The following LNX1 variants were observed in gnomAD, a reference collection of about 807,000 sequenced individuals.
The protein encoded by LNX1 is ligand of numb-protein X 1.
LNX1 carries 54 observed loss-of-function variants against 68.4 expected under a neutral mutation model. The observed-to-expected ratio is 0.79, with a 90% confidence interval of 0.63 to 0.99. LNX1 has a LOEUF of 0.99. Among genes scored for constraint, LNX1 ranks in the 50% least tolerant of loss-of-function variants. LNX1 has a pLI of 0.00. For missense variants in LNX1, 906 were observed against 926.4 expected (o/e 0.98, Z 0.29); for synonymous variants, 336 against 350.0 (o/e 0.96, Z 0.45).
intron 1 of LNX1, among the ~76,000 whole-genome samples, chr4:53,629,072 C>G (rs2109869520): frequency 6.6e-6 from 1 of 152,268 alleles, no homozygotes; most frequent in Middle Eastern, 3.4e-3. Context: ...CAGAATTTAT[C>G]ACTACATAAT....
At chr4:53,637,516 T>C (rs531124089) in intron 1 of LNX1, among the ~76,000 whole-genome samples, 47 of 152,256 alleles carry the variant, frequency 3.1e-4, no homozygotes, top group African/African-American at 1.1e-3. Context: ...TCATTTCACA[T>C]GTTATTTACT....
intron 2 of LNX1, among the ~76,000 whole-genome samples, chr4:53,598,043 A>G (rs866865857): frequency 2.6e-5 from 4 of 152,160 alleles, no homozygotes; most frequent in Non-Finnish European, 5.9e-5. Context: ...AGGTAAAGTA[A>G]CTTGTCCAAC....
chr4:53,478,662 G>A lies in LNX1; in HGVS notation c.1566C>T (p.Val522=), dbSNP rs144302447. The change falls in exon 8 of 11, where the codon GTC becomes GTT. Residue 522 remains valine, a synonymous_variant. Transcript: ENST00000263925. ...ATTCTCTATGTGATGCTCCCCCTGC[G>A]ACGGTCATGCCGAGAGATTCACCGG... is the stretch of plus-strand genomic sequence containing the variant. ...KDPGESLGMT[V]AGGASHREWD... The A allele has an allele frequency of 3.0e-5, 49 of 1,614,072 alleles. No homozygotes were observed. In the South Asian group the frequency reaches 3.3e-4, roughly 11 times the overall value.
At chr4:53,644,105 A>T (rs1317531764) in intron 1 of LNX1, among the ~76,000 whole-genome samples, 1 of 152,150 alleles carries the variant, frequency 6.6e-6, no homozygotes, top group Non-Finnish European at 1.5e-5. Context: ...GATAAAAAAA[A>T]GTAAATGGAG....
intron 6 of LNX1, among the ~76,000 whole-genome samples, chr4:53,487,686 C>T (rs1165508425): frequency 6.6e-6 from 1 of 152,076 alleles, no homozygotes; most frequent in African/African-American, 2.4e-5. Context: ...TTGCGTGGGC[C>T]CCTTGTTACA....
At chr4:53,625,171 C>T (rs540568144) in intron 1 of LNX1, among the ~76,000 whole-genome samples, 12 of 152,178 alleles carry the variant, frequency 7.9e-5, no homozygotes, top group African/African-American at 2.2e-4. Context: ...GATTAGGCAA[C>T]GGTTTCTCAG....
At chr4:53,632,877 T>C (rs546817662) in intron 1 of LNX1, among the ~76,000 whole-genome samples, 27 of 152,342 alleles carry the variant, frequency 1.8e-4, no homozygotes, top group African/African-American at 6.3e-4. Flanking sequence ...AGGTCTTCTT[T>C]AGTAGGTTTC....
intron 1 of LNX1, among the ~76,000 whole-genome samples, chr4:53,627,553 GC>G (rs1268757413): frequency 6.6e-6 from 1 of 152,088 alleles, no homozygotes; most frequent in Non-Finnish European, 1.5e-5. Context: ...CTGAATTGAT[GC>G]CCCCTAACTC....
In LNX1 at chr4:53,507,292, C is replaced by A; in HGVS notation, c.775+25G>T. 3 of 1,607,842 alleles carry A rather than the reference C, an allele frequency of 1.9e-6. No individual in the cohort carries two copies. In the South Asian group the frequency reaches 3.3e-5, roughly 18 times the overall value. ...CCCTGGAAGCCCAGCCCATGTCCATCCAGCCTTATGGGGAGTTCATTTACC... is the reference window on the plus strand; with the variant it reads ...CCCTGGAAGCCCAGCCCATGTCCATACAGCCTTATGGGGAGTTCATTTACC... On this transcript the variant is annotated intron_variant, in intron 4 of 10. Transcript: ENST00000263925.
At chr4:53,646,703 A>C (rs1734892486) in intron 1 of LNX1, among the ~76,000 whole-genome samples, 1 of 152,226 alleles carries the variant, frequency 6.6e-6, no homozygotes, top group Non-Finnish European at 1.5e-5. Flanking sequence ...GCTGGCCAGA[A>C]ATGAGCCATG....
At chr4:53,471,164 C>T (rs564249944) in intron 9 of LNX1, among the ~76,000 whole-genome samples, 114 of 150,152 alleles carry the variant, frequency 7.6e-4, no homozygotes, top group South Asian at 1.3e-3. Flanking sequence ...TGGAACAGAA[C>T]GGAGCCCTCA....
At chr4:53,618,135 C>A (rs770783622), upstream of LNX1, among the ~76,000 whole-genome samples, 1 of 152,080 alleles carries the variant, frequency 6.6e-6, no homozygotes, top group Non-Finnish European at 1.5e-5. Flanking sequence ...AAACAAATTG[C>A]CCTTAACTAC....
At chr4:53,491,276 A>G (rs79460906) in intron 6 of LNX1, among the ~76,000 whole-genome samples, 2 of 60,992 alleles carry the variant, frequency 3.3e-5, no homozygotes, top group African/African-American at 6.8e-5. Context: ...AAAGTGAGAA[A>G]AAAAAAAAAA....
In LNX1 at chr4:53,466,299, AC is replaced by A. The variant is rs369115896; in HGVS notation, c.1893-4707del. 2.9e-4 allele frequency among the ~76,000 whole-genome samples: 44 copies of A among 152,346 alleles called. No individual in the cohort carries two copies. In the East Asian group the frequency reaches 8.1e-3, roughly 28 times the overall value. On this transcript the variant is annotated intron_variant, in intron 9 of 10. Transcript: ENST00000263925. The stretch of plus-strand genomic sequence containing the variant: ...TCTCTAATTTGGCCAATAATGTTGA[AC>A]TACATACTTAAAGCAGCTTTGATTA...
chr4:53,592,366 G>C (rs1246892915), upstream of LNX1, among the ~76,000 whole-genome samples: 1 of 152,194 alleles, frequency 6.6e-6, no homozygotes, highest in Non-Finnish European at 1.5e-5. Flanking sequence ...TTTCCAGCAG[G>C]AAAGGAGGCG....
intron 9 of LNX1, among the ~76,000 whole-genome samples, chr4:53,468,810 C>A (rs1203812705): frequency 6.6e-6 from 1 of 152,166 alleles, no homozygotes; most frequent in East Asian, 1.9e-4. Context: ...TATATATGCA[C>A]CCAATACAGG....
intron 2 of LNX1, among the ~76,000 whole-genome samples, chr4:53,543,392 T>C (rs1443609688): frequency 6.6e-6 from 1 of 152,256 alleles, no homozygotes; most frequent in East Asian, 1.9e-4. Flanking sequence ...GCCTAGAACA[T>C]GCCTGATATG....
chr4:53,637,264 C>G (rs936695081), intron 1 of LNX1, among the ~76,000 whole-genome samples: 2 of 151,948 alleles, frequency 1.3e-5, no homozygotes, highest in Admixed American at 6.6e-5. Context: ...TTCTTCACAG[C>G]TGTAGTTCTC....
intron 9 of LNX1, among the ~76,000 whole-genome samples, chr4:53,463,332 G>A (rs372078248): frequency 6.6e-6 from 1 of 152,214 alleles, no homozygotes; most frequent in African/African-American, 2.4e-5. Flanking sequence ...ATCCATTCAA[G>A]TTGATATCAG....
Sources: allele counts gnomAD v4.1 joint callset (sites outside exome capture counted in the v4.1 genomes callset), GRCh38; gene constraint gnomAD v4.1.1; transcripts MANE v1.5; gene names NCBI Gene and HGNC (gene_info 2026-07-23, HGNC 2026-07-21).